The following ZBTB10 variants were observed in gnomAD, a reference collection of about 807,000 sequenced individuals.
ZBTB10 encodes zinc finger and BTB domain-containing protein 10.
Under a neutral mutation model 76.4 loss-of-function variants are expected in ZBTB10, and 32 were observed. The ratio of observed to expected loss-of-function variants is 0.42; its 90% CI spans 0.32 to 0.56. The LOEUF (loss-of-function observed/expected upper bound fraction) is 0.56, where lower values mean the gene tolerates loss of function less well. Among genes scored for constraint, ZBTB10 ranks in the 20% least tolerant of loss-of-function variants. The pLI, the probability that ZBTB10 is intolerant of heterozygous loss-of-function variation, is 0.14. For missense variants in ZBTB10, 1,057 were observed against 1,098.5 expected, an observed-to-expected ratio of 0.96 and a Z score of 0.53; for synonymous variants, 523 against 432.9, an observed-to-expected ratio of 1.21 and a Z score of -2.58.
rs1816409413 is a variant in ZBTB10 at position 80,519,570 on chromosome 8, A to G, written c.*42A>G. ...CTCAAGGATGCTGCATTTGGACCTA[A>G]TATGAATCGACAATTTGGATTGTTG... On this transcript the variant is annotated 3_prime_UTR_variant, in exon 6 of 6. Transcript: ENST00000455036. 2 of 1,531,316 alleles carry G rather than the reference A, an allele frequency of 1.3e-6. No individual in the cohort carries two copies. The highest frequency in any genetic ancestry group is 1.4e-5 in the African/African-American group (1 of 73,100). 94.9% of individuals were successfully genotyped at this position (1,531,316 alleles called of 1,614,324 possible).
In ZBTB10 at chr8:80,495,188, T is replaced by C. The variant is rs569491897; in HGVS notation, c.973-4306T>C. 4.6e-5 allele frequency among the ~76,000 whole-genome samples: 7 copies of C among 151,816 alleles called. No individual in the cohort carries two copies. The South Asian group carries it at 1.2e-3, about 27-fold the overall frequency. ...TTTCTCTATGTTGACTGGGCTGGTC[T>C]TGAACTCCTGGCTACCAGCCATCCT... On this transcript the variant is annotated intron_variant, in intron 1 of 5. Coordinates refer to ENST00000455036, the MANE Select transcript of ZBTB10 (RefSeq NM_001105539.3).
In ZBTB10 at chr8:80,524,413, G is replaced by A. The variant is rs894102582; in HGVS notation, c.*4885G>A. ...TTGTGCATAATCTTGGAAATGGGTTGAAAAGCAAAGGTAAACTGCTTCATC... is the reference window on the plus strand; with the variant it reads ...TTGTGCATAATCTTGGAAATGGGTTAAAAAGCAAAGGTAAACTGCTTCATC... On this transcript the variant is annotated 3_prime_UTR_variant, in exon 6 of 6. Coordinates refer to ENST00000455036, the MANE Select transcript of ZBTB10 (RefSeq NM_001105539.3). 1.3e-5 allele frequency: 2 copies of A among 152,072 alleles called. No homozygotes were observed. The highest frequency in any genetic ancestry group is 6.6e-5 in the Admixed American group (1 of 15,250). 9.4% of individuals were successfully genotyped at this position (152,072 alleles called of 1,614,324 possible). A position where few individuals can be genotyped will look rare whatever the true frequency, so the allele number is the denominator to read the frequency against.
At chr8:80,508,236 C>T (rs1310308292) in intron 2 of ZBTB10, among the ~76,000 whole-genome samples, 3 of 152,132 alleles carry the variant, frequency 2.0e-5, no homozygotes, top group East Asian at 1.9e-4. Context: ...GTTGTCTAAA[C>T]CATATAAATG....
intron 2 of ZBTB10, among the ~76,000 whole-genome samples, chr8:80,508,432 A>G (rs1235614837): frequency 6.6e-6 from 1 of 152,236 alleles, no homozygotes; most frequent in East Asian, 1.9e-4. Flanking sequence ...TTTTTATTTA[A>G]AATCTAAAGA....
At position 80,486,821 on chromosome 8, in the gene ZBTB10, G is replaced by C; in HGVS notation, c.11G>C (p.Ser4Thr). The C allele has an allele frequency of 6.8e-7, 1 of 1,474,840 alleles. No individual in the cohort carries two copies. The allele number at this position is 1,474,840 out of a possible 1,614,324, so 91.4% of individuals were successfully genotyped here. ...GCGGCGGCGCGCGCCATGTCGTTCA[G>C]TGAAATGAACCGCAGGACGCTGGCG... Reference protein sequence around the residue: MSFSEMNRRTLAFR... With the variant: MSFTEMNRRTLAFR... The change falls in exon 1 of 6, where the codon AGT becomes ACT. Residue 4 changes from serine to threonine, a missense_variant. Physicochemically the swap from Ser to Thr is moderately conservative, Grantham distance 58. Transcript: ENST00000455036.
chr8:80,518,430 T>A lies in ZBTB10; in HGVS notation c.1988T>A (p.Leu663Ter). 6.4e-7 allele frequency: 1 copy of A among 1,551,998 alleles called. No individual in the cohort carries two copies. Among genetic ancestry groups the A allele is most frequent in the Non-Finnish European group, 8.7e-7 (1 of 1,147,504 alleles). Residue 663 changes from leucine to a stop codon, truncating the protein, a stop_gained, in exon 4 of 6, where the codon TTG becomes TAG. Transcript: ENST00000455036. LOFTEE classifies it high-confidence loss of function. ...AGTSHDFKYG[L>*]MPGPSNDFKY... ...ACTTCACATGATTTCAAGTATGGTT[T>A]GATGCCTGGTCCTTCAAATGATTTC... is the stretch of plus-strand genomic sequence containing the variant.
Position 80,525,636 on chromosome 8 carries a change from C to A in ZBTB10, c.*6108C>A, listed in dbSNP as rs929037332. The A allele has an allele frequency of 6.6e-6, 1 of 152,038 alleles. No homozygotes were observed. The highest frequency in any genetic ancestry group is 1.5e-5 in the Non-Finnish European group (1 of 68,004). 9.4% of individuals were successfully genotyped at this position (152,038 alleles called of 1,614,324 possible). On this transcript the variant is annotated 3_prime_UTR_variant, in exon 6 of 6. Transcript: ENST00000455036. Reference sequence around the variant, plus strand: ...ACCCAGAGAGGTTGCTACAGTGACTCCAGTCAGTTTTAGGACCCAGGACTC... The same window carrying A: ...ACCCAGAGAGGTTGCTACAGTGACTACAGTCAGTTTTAGGACCCAGGACTC...
chr8:80,486,745 C>G lies in ZBTB10; in HGVS notation c.-66C>G, dbSNP rs1815470962. ...GACAGAGGGGGAGCCGCGGGGAGCG[C>G]GCGGGACGCGGCCCGAGGCCGTGCG... On this transcript the variant is annotated 5_prime_UTR_variant, in exon 1 of 6. Transcript: ENST00000455036. The G allele has an allele frequency of 9.6e-7, 1 of 1,036,724 alleles. No homozygotes were observed. The highest frequency in any genetic ancestry group is 1.2e-6 in the Non-Finnish European group (1 of 864,016). The allele number at this position is 1,036,724 out of a possible 1,614,324, so 64.2% of individuals were successfully genotyped here.
intron 2 of ZBTB10, among the ~76,000 whole-genome samples, chr8:80,507,136 C>T (rs1195537924): frequency 2.0e-5 from 3 of 150,626 alleles, no homozygotes; most frequent in African/African-American, 4.9e-5. Context: ...GGTGAAACCC[C>T]ATCTCTACTA....
intron 1 of ZBTB10, among the ~76,000 whole-genome samples, chr8:80,489,101 TAA>T (rs1422320978): frequency 1.3e-5 from 2 of 151,894 alleles, no homozygotes; most frequent in Non-Finnish European, 2.9e-5. Context: ...TAAATAGTCC[TAA>T]GAGTCTGGGG....
intron 3 of ZBTB10, 28 bp from the exon 4 acceptor site, chr8:80,518,375 A>G: frequency 1.3e-6 from 2 of 1,531,608 alleles, no homozygotes; most frequent in Non-Finnish European, 1.8e-6. Context: ...TATTACCATT[A>G]TTAATTCAGA....
At chr8:80,514,320 T>G (rs1258461992) in intron 3 of ZBTB10, among the ~76,000 whole-genome samples, 1 of 152,232 alleles carries the variant, frequency 6.6e-6, no homozygotes, top group African/African-American at 2.4e-5. Context: ...CGATAATGGT[T>G]GAATTTATTT....
rs181086499 is a variant in ZBTB10 at position 80,522,428 on chromosome 8, G to A, written c.*2900G>A. The A allele has an allele frequency of 2.2e-4, 33 of 151,944 alleles. No individual in the cohort carries two copies. Among genetic ancestry groups the A allele is most frequent in the Non-Finnish European group, 7.4e-5 (5 of 67,826 alleles). The allele number at this position is 151,944 out of a possible 1,614,324, so 9.4% of individuals were successfully genotyped here. A position where few individuals can be genotyped will look rare whatever the true frequency, so the allele number is the denominator to read the frequency against. On this transcript the variant is annotated 3_prime_UTR_variant, in exon 6 of 6. Coordinates refer to ENST00000455036, the MANE Select transcript of ZBTB10 (RefSeq NM_001105539.3). ...CATATTCACTCTGTAGTTACAGACC[G>A]TCTCATAAATCAAGATTGTGCATTA...
chr8:80,513,147 G>A (rs547568232), intron 2 of ZBTB10, among the ~76,000 whole-genome samples: 1 of 150,340 alleles, frequency 6.7e-6, no homozygotes, highest in African/African-American at 2.5e-5. Context: ...GACAAAAACT[G>A]TTTTTTCTTT....
chr8:80,487,707 C>T lies in ZBTB10; in HGVS notation c.897C>T (p.Thr299=). The part of the protein sequence containing the change: ...PVGHDELSRG[T]RNYKKTLLLR... ...GGCATGATGAGCTTTCGCGAGGGAC[C>T]CGCAACTACAAGAAAACCCTCCTCC... is the stretch of plus-strand genomic sequence containing the variant. The change falls in exon 1 of 6, where the codon ACC becomes ACT. Residue 299 remains threonine, a synonymous_variant. Transcript: ENST00000455036. 1 of 1,613,856 alleles carries T rather than the reference C, an allele frequency of 6.2e-7. No individual in the cohort carries two copies. Among genetic ancestry groups the T allele is most frequent in the Non-Finnish European group, 8.5e-7 (1 of 1,179,868 alleles).
At chr8:80,506,130 G>A (rs1365418978) in intron 2 of ZBTB10, among the ~76,000 whole-genome samples, 1 of 151,904 alleles carries the variant, frequency 6.6e-6, no homozygotes, top group African/African-American at 2.4e-5. Context: ...TTGCCACAAT[G>A]CTAGCCTTGA....
At chr8:80,501,389 A>C (rs559153484) in intron 2 of ZBTB10, among the ~76,000 whole-genome samples, 1 of 152,336 alleles carries the variant, frequency 6.6e-6, no homozygotes, top group East Asian at 1.9e-4. Context: ...CTGGCTGTGC[A>C]TATCTTTATT....
intron 1 of ZBTB10, among the ~76,000 whole-genome samples, chr8:80,491,588 T>G (rs1815632193): frequency 6.6e-6 from 1 of 152,186 alleles, no homozygotes; most frequent in South Asian, 2.1e-4. Flanking sequence ...GCTTTCTGAG[T>G]CTGTGTTTTG....
upstream of ZBTB10, chr8:80,485,943 G>A: frequency 6.7e-7 from 1 of 1,493,220 alleles, no homozygotes; most frequent in Non-Finnish European, 9.0e-7. Flanking sequence ...TTTGTCCTCC[G>A]CGTAGCCCGG....
Sources: gnomAD v4.1 joint callset for allele counts (sites outside exome capture counted in the v4.1 genomes callset) on GRCh38, gnomAD v4.1.1 for gene constraint, MANE v1.5 for transcripts, NCBI Gene and HGNC (gene_info 2026-07-23, HGNC 2026-07-21) for gene names.